S100Z: variants seen among roughly 807,000 people sequenced by gnomAD.
The protein encoded by S100Z is S100 calcium binding protein Z.
S100Z carries 11 observed loss-of-function variants against 8.5 expected under a neutral mutation model. The ratio of observed to expected loss-of-function variants is 1.30; its 90% CI spans 0.82 to 2.15. The LOEUF is 2.15. S100Z is among the 30% of genes most tolerant of loss of function. S100Z has a pLI of 0.00. For missense variants in S100Z, 126 were observed against 117.9 expected (o/e 1.07, Z -0.32); for synonymous variants, 34 against 43.8 (o/e 0.78, Z 0.89).
chr5:76,935,442 T>G, the S100Z span, among the ~76,000 whole-genome samples: 1 of 152,214 alleles, frequency 6.6e-6, no homozygotes, highest in East Asian at 1.9e-4. Flanking sequence ...TAGTGTGCTA[T>G]GAAATGCAGT....
chr5:76,862,665 G>A (rs946877920), intron 1 of S100Z, among the ~76,000 whole-genome samples: 19 of 152,102 alleles, frequency 1.2e-4, no homozygotes, highest in South Asian at 8.3e-4. Context: ...AGCTGGGCAC[G>A]GTGGCGCATT....
chr5:76,919,687 G>C (rs1744977095), intron 4 of S100Z, among the ~76,000 whole-genome samples: 1 of 149,274 alleles, frequency 6.7e-6, no homozygotes, highest in Non-Finnish European at 1.5e-5. Context: ...TTTCACTGCT[G>C]CCTCAAATTC....
At chr5:76,949,541 A>T in the S100Z span, among the ~76,000 whole-genome samples, 1 of 152,352 alleles carries the variant, frequency 6.6e-6, no homozygotes, top group South Asian at 2.1e-4. Flanking sequence ...AGTATTCACA[A>T]TAGCTAAGAT....
chr5:76,929,873 C>G, the S100Z span, among the ~76,000 whole-genome samples: 4 of 152,170 alleles, frequency 2.6e-5, no homozygotes, highest in Non-Finnish European at 5.9e-5. Flanking sequence ...AGATCCCAAC[C>G]CACTTCCACA....
downstream of S100Z, among the ~76,000 whole-genome samples, chr5:76,926,073 G>A (rs1745131961): frequency 6.6e-6 from 1 of 152,298 alleles, no homozygotes; most frequent in East Asian, 1.9e-4. Flanking sequence ...GGGCTACAAA[G>A]GACAGCTGGG....
intron 2 of S100Z, among the ~76,000 whole-genome samples, chr5:76,874,516 G>A (rs1397287260): frequency 1.3e-5 from 2 of 152,044 alleles, no homozygotes; most frequent in Non-Finnish European, 2.9e-5. Context: ...GATTAAATAC[G>A]GAGCAGAGGC....
At chr5:76,946,751 A>G in the S100Z span, among the ~76,000 whole-genome samples, 6 of 152,168 alleles carry the variant, frequency 3.9e-5, no homozygotes, top group Admixed American at 3.9e-4. Context: ...TACATTCTCT[A>G]TGTATTATAT....
chr5:76,946,991 C>T, the S100Z span, among the ~76,000 whole-genome samples: 1 of 150,190 alleles, frequency 6.7e-6, no homozygotes, highest in African/African-American at 2.5e-5. Context: ...TGACAACATC[C>T]TACCCCCTGG....
chr5:76,901,182 C>A (rs1412339114), intron 4 of S100Z, among the ~76,000 whole-genome samples: 1 of 152,210 alleles, frequency 6.6e-6, no homozygotes, highest in East Asian at 1.9e-4. Context: ...AACCTGAAGC[C>A]AGCATAGCAC....
intron 2 of S100Z, among the ~76,000 whole-genome samples, chr5:76,874,564 C>A (rs1743112858): frequency 6.6e-6 from 1 of 152,150 alleles, no homozygotes; most frequent in Non-Finnish European, 1.5e-5. Context: ...CAATTTTCAT[C>A]TTCCCGGAAA....
intron 4 of S100Z, among the ~76,000 whole-genome samples, chr5:76,899,331 T>C (rs181041248): frequency 6.6e-6 from 1 of 152,256 alleles, no homozygotes; most frequent in Non-Finnish European, 1.5e-5. Context: ...AAGAGTTCAG[T>C]CCATTTATAG....
chr5:76,944,202 C>A, the S100Z span, among the ~76,000 whole-genome samples: 2 of 152,258 alleles, frequency 1.3e-5, no homozygotes, highest in Non-Finnish European at 2.9e-5. Context: ...ACCATTGAAC[C>A]CTCATTGCCT....
At chr5:76,950,736 T>TA in the S100Z span, among the ~76,000 whole-genome samples, 94 of 151,182 alleles carry the variant, frequency 6.2e-4, no homozygotes, top group Middle Eastern at 3.4e-3. Flanking sequence ...AGAACATATT[T>TA]AAAAAAAAAA....
chr5:76,866,159 A>G (rs1330244745), intron 1 of S100Z, among the ~76,000 whole-genome samples: 2 of 149,968 alleles, frequency 1.3e-5, no homozygotes, highest in Non-Finnish European at 2.9e-5. Context: ...ATCTTGGCTC[A>G]CTGCAACCTC....
At position 76,902,339 on chromosome 5, in the gene S100Z, A is replaced by T. The variant is rs575810296; in HGVS notation, c.*3-18378A>T. Among the ~76,000 whole-genome samples, 3 of 152,208 alleles carry T rather than the reference A, an allele frequency of 2.0e-5. No homozygotes were observed. In the South Asian group the frequency reaches 6.2e-4, roughly 32 times the overall value. On this transcript the variant is annotated intron_variant, in intron 4 of 4. Transcript: ENST00000317593. The stretch of plus-strand genomic sequence containing the variant: ...GACTGCCTTTCAAATATTCTTGGAG[A>T]CACAGAGTGCTGTAGCGCTCTGCTG...
At chr5:76,942,851 C>A in the S100Z span, among the ~76,000 whole-genome samples, 2 of 152,234 alleles carry the variant, frequency 1.3e-5, no homozygotes, top group Admixed American at 6.5e-5. Flanking sequence ...AGTTCAGAGC[C>A]CCAGAGAATG....
rs1745014304 is a variant in S100Z, at chr5:76,920,872, C to T, written c.*158C>T. 6.6e-6 allele frequency: 1 copy of T among 152,198 alleles called. No individual in the cohort carries two copies. Among genetic ancestry groups the T allele is most frequent in the Non-Finnish European group, 1.5e-5 (1 of 68,032 alleles). The allele number at this position is 152,198 out of a possible 1,614,324, so 9.4% of individuals were successfully genotyped here. ...TGGAGAAAGCTGCTTGAGCCCTTCC[C>T]ATGCTCATAAATTAGGTAAGGAGCA... On this transcript the variant is annotated 3_prime_UTR_variant, in exon 5 of 5. Transcript: ENST00000317593.
At chr5:76,851,179 A>C (rs1341546870) in intron 1 of S100Z, among the ~76,000 whole-genome samples, 2 of 152,166 alleles carry the variant, frequency 1.3e-5, no homozygotes, top group Non-Finnish European at 2.9e-5. Context: ...TCCCTGGAGG[A>C]CTGGCACCTG....
chr5:76,921,223 GTAT>G lies in S100Z; in HGVS notation c.*517_*519del, dbSNP rs1364217059. The G allele has an allele frequency of 2.0e-5, 3 of 152,106 alleles. No homozygotes were observed. The East Asian group carries it at 5.8e-4, about 29-fold the overall frequency. The allele number at this position is 152,106 out of a possible 1,614,324, so 9.4% of individuals were successfully genotyped here. A position where few individuals can be genotyped will look rare whatever the true frequency, so the allele number is the denominator to read the frequency against. ...GTTCCAGCTTAATAAATATACAACTGTATTATTATTTTTGTCTGAATAGTATTT... is the reference window on the plus strand; with the variant it reads ...GTTCCAGCTTAATAAATATACAACTGTATTATTTTTGTCTGAATAGTATTT... On this transcript the variant is annotated 3_prime_UTR_variant, in exon 5 of 5. Coordinates refer to ENST00000317593, the MANE Select transcript of S100Z (RefSeq NM_130772.4).
Sources: allele counts gnomAD v4.1 joint callset (sites outside exome capture counted in the v4.1 genomes callset), GRCh38; gene constraint gnomAD v4.1.1; transcripts MANE v1.5; gene names NCBI Gene and HGNC (gene_info 2026-07-23, HGNC 2026-07-21).